Variants in TBC1D22B observed in about 807,000 individuals in gnomAD.
TBC1D22B encodes TBC1 domain family member 22B, also known as chromosome 6 open reading frame 197.
In TBC1D22B, 32 loss-of-function variants were observed where a neutral mutation model predicts 69.1. The observed-to-expected ratio is 0.46, with a 90% CI of 0.35 to 0.62. TBC1D22B has a LOEUF of 0.62. TBC1D22B is among the 20% of genes least tolerant of loss of function. The pLI, the probability that TBC1D22B is intolerant of heterozygous loss-of-function variation, is 0.00. For missense variants in TBC1D22B, 462 were observed against 630.9 expected (o/e 0.73, Z 2.87); for synonymous variants, 206 against 229.8 (o/e 0.90, Z 0.94).
rs1289070871 is a variant in TBC1D22B, at chr6:37,313,029, G to C, written c.1089+5G>C. On this transcript the variant is annotated splice_donor_5th_base_variant and intron_variant, in intron 9 of 12. Coordinates refer to ENST00000373491, the MANE Select transcript of TBC1D22B (RefSeq NM_017772.4). ...AAGCTGCTGGATGGAATCCAGGTGAGCTGCTTCTGCCCTTGTGGGAACAAA... is the reference window on the plus strand; with the variant it reads ...AAGCTGCTGGATGGAATCCAGGTGACCTGCTTCTGCCCTTGTGGGAACAAA... The C allele has an allele frequency of 6.2e-7, 1 of 1,612,316 alleles. No homozygotes were observed. The highest frequency in any genetic ancestry group is 2.2e-5 in the East Asian group (1 of 44,880).
At chr6:37,277,360 A>G (rs1766699466) in intron 2 of TBC1D22B, among the ~76,000 whole-genome samples, 1 of 152,098 alleles carries the variant, frequency 6.6e-6, no homozygotes, top group African/African-American at 2.4e-5. Flanking sequence ...CAGGTGGTAG[A>G]TCAGGTCCCC....
chr6:37,279,226 A>T, intron 2 of TBC1D22B, 78 bp from the exon 3 acceptor site: 1 of 1,318,888 alleles, frequency 7.6e-7, no homozygotes, highest in Non-Finnish European at 1.0e-6. Context: ...GTAATTTATT[A>T]ATATTACAAT....
Position 37,265,845 on chromosome 6 carries a change from G to A in TBC1D22B, c.57-3749G>A, listed in dbSNP as rs1460445673. Among the ~76,000 whole-genome samples the A allele has an allele frequency of 2.0e-5, 3 of 152,190 alleles. No individual in the cohort carries two copies. In the East Asian group the frequency reaches 5.8e-4, roughly 29 times the overall value. ...CTGAAATCTTAATAGGAATCAATGT[G>A]AAAGTGATTGATTTGGCTATATTTT... is the stretch of plus-strand genomic sequence containing the variant. On this transcript the variant is annotated intron_variant, in intron 1 of 12. Coordinates refer to ENST00000373491, the MANE Select transcript of TBC1D22B (RefSeq NM_017772.4).
chr6:37,260,882 A>G (rs1456782108), intron 1 of TBC1D22B, among the ~76,000 whole-genome samples: 1 of 152,198 alleles, frequency 6.6e-6, no homozygotes, highest in African/African-American at 2.4e-5. Context: ...TTGTTCATTC[A>G]TCAGTTGATG....
At chr6:37,284,213 A>G in intron 5 of TBC1D22B, 123 bp from the exon 6 acceptor site, 1 of 1,493,460 alleles carries the variant, frequency 6.7e-7, no homozygotes, top group Middle Eastern at 1.7e-4. Context: ...AGAACCAAAA[A>G]GGGATTTACC....
At chr6:37,298,539 G>GTTTTT (rs34996865) in intron 8 of TBC1D22B, among the ~76,000 whole-genome samples, 23 of 71,244 alleles carry the variant, frequency 3.2e-4, no homozygotes, top group South Asian at 6.5e-4. Flanking sequence ...GTTGCCTACA[G>GTTTTT]TTTTTTTTTT....
chr6:37,323,504 A>G (rs1211728452), intron 12 of TBC1D22B, among the ~76,000 whole-genome samples: 1 of 152,210 alleles, frequency 6.6e-6, no homozygotes, highest in African/African-American at 2.4e-5. Context: ...AGTGAGTCTC[A>G]AATGAGTGAG....
In TBC1D22B at chr6:37,287,206, C is replaced by T. The variant is rs1453609898; in HGVS notation, c.867+134C>T. The T allele has an allele frequency of 1.1e-5, 7 of 618,036 alleles. No homozygotes were observed. The Admixed American group carries it at 2.4e-4, about 21-fold the overall frequency. 38.3% of individuals were successfully genotyped at this position (618,036 alleles called of 1,614,324 possible). On this transcript the variant is annotated intron_variant, in intron 7 of 12. Transcript: ENST00000373491. ...CTTTGGTTCCTTCAGAGCATGGTTTCATACATTTTCATTTGATCTTTGTTA... is the reference window on the plus strand; with the variant it reads ...CTTTGGTTCCTTCAGAGCATGGTTTTATACATTTTCATTTGATCTTTGTTA...
At chr6:37,322,478 G>A (rs923734271) in intron 12 of TBC1D22B, among the ~76,000 whole-genome samples, 1 of 152,122 alleles carries the variant, frequency 6.6e-6, no homozygotes, top group Non-Finnish European at 1.5e-5. Context: ...GATCGTGCCA[G>A]TGCACTCCAG....
chr6:37,267,694 A>G (rs2113717795), intron 1 of TBC1D22B, among the ~76,000 whole-genome samples: 1 of 151,636 alleles, frequency 6.6e-6, no homozygotes, highest in South Asian at 2.1e-4. Context: ...AGTAATGATG[A>G]AATTAGTAAG....
At chr6:37,301,269 A>C (rs1277138480) in intron 8 of TBC1D22B, among the ~76,000 whole-genome samples, 2 of 152,166 alleles carry the variant, frequency 1.3e-5, no homozygotes, top group African/African-American at 2.4e-5. Flanking sequence ...TGTGCCAGAC[A>C]ATTTACTCAT....
At chr6:37,267,748 A>G (rs1445475707) in intron 1 of TBC1D22B, among the ~76,000 whole-genome samples, 1 of 151,716 alleles carries the variant, frequency 6.6e-6, no homozygotes, top group East Asian at 1.9e-4. Context: ...CTAGTTGATT[A>G]TATTATTTTT....
intron 8 of TBC1D22B, among the ~76,000 whole-genome samples, chr6:37,292,749 G>A (rs1767227559): frequency 6.6e-6 from 1 of 152,148 alleles, no homozygotes; most frequent in Non-Finnish European, 1.5e-5. Flanking sequence ...GTTCTGATTA[G>A]TTATTTAATT....
rs144770873 is a variant in TBC1D22B at position 37,285,486 on chromosome 6, G to A, written c.801+1022G>A. On this transcript the variant is annotated intron_variant, in intron 6 of 12. Coordinates refer to ENST00000373491, the MANE Select transcript of TBC1D22B (RefSeq NM_017772.4). ...ATTACAGGCATGTGCCACCAGGCCCGGCTAATTTTTTCTTTATCTTTTTTG... is the reference window on the plus strand; with the variant it reads ...ATTACAGGCATGTGCCACCAGGCCCAGCTAATTTTTTCTTTATCTTTTTTG... 1.5e-3 allele frequency among the ~76,000 whole-genome samples: 223 copies of A among 151,088 alleles called. 1 individual carries two copies. The highest frequency in any genetic ancestry group is 5.1e-3 in the African/African-American group (210 of 41,068).
intron 12 of TBC1D22B, among the ~76,000 whole-genome samples, chr6:37,328,622 T>C (rs1328593066): frequency 6.6e-6 from 1 of 152,174 alleles, no homozygotes; most frequent in Non-Finnish European, 1.5e-5. Context: ...ATATTTCAAG[T>C]ATGTAAAATA....
chr6:37,298,468 C>T (rs1447875274), intron 8 of TBC1D22B, among the ~76,000 whole-genome samples: 3 of 151,760 alleles, frequency 2.0e-5, no homozygotes, highest in Admixed American at 6.6e-5. Context: ...TCAGCAATTC[C>T]ATTATTTCTA....
chr6:37,280,565 G>T (rs546578440), intron 3 of TBC1D22B, among the ~76,000 whole-genome samples: 2 of 152,344 alleles, frequency 1.3e-5, no homozygotes, highest in African/African-American at 4.8e-5. Flanking sequence ...ACAGCTGCAG[G>T]CCGTGGAAGG....
At chr6:37,269,794 A>C (rs550260873) in intron 2 of TBC1D22B, 144 bp downstream of exon 2, 1 of 732,016 alleles carries the variant, frequency 1.4e-6, no homozygotes, top group East Asian at 2.7e-5. Flanking sequence ...CAATGTTCTT[A>C]CTTCCAAATG....
chr6:37,307,041 C>A (rs1019431963), intron 8 of TBC1D22B, among the ~76,000 whole-genome samples: 5 of 151,888 alleles, frequency 3.3e-5, no homozygotes, highest in African/African-American at 1.2e-4. Flanking sequence ...CCAGGTTTAG[C>A]GAGGGGCCTC....
Sources: gnomAD v4.1 joint callset for allele counts (sites outside exome capture counted in the v4.1 genomes callset) on GRCh38, gnomAD v4.1.1 for gene constraint, MANE v1.5 for transcripts, NCBI Gene and HGNC (gene_info 2026-07-23, HGNC 2026-07-21) for gene names.